PCDHA13: variants seen among roughly 807,000 people sequenced by gnomAD.
PCDHA13 encodes the protein protocadherin alpha-13.
PCDHA13 carries 54 observed loss-of-function variants against 64.8 expected under a neutral mutation model. That is an observed-to-expected ratio of 0.83 (90% confidence interval 0.67 to 1.04). The LOEUF is 1.04. PCDHA13 is among the 50% of genes least tolerant of loss of function. The pLI, the probability that PCDHA13 is intolerant of heterozygous loss-of-function variation, is 0.00. For missense variants in PCDHA13, 1,248 were observed against 1,254.3 expected (o/e 0.99, Z 0.08); for synonymous variants, 587 against 564.4 (o/e 1.04, Z -0.57).
chr5:140,889,679 C>A (rs968181758), intron 1 of PCDHA13, among the ~76,000 whole-genome samples: 4 of 152,026 alleles, frequency 2.6e-5, no homozygotes, highest in Admixed American at 6.6e-5. Flanking sequence ...TTATTTTAAA[C>A]CTTTTAGTAT....
At chr5:140,927,236 T>A in intron 1 of PCDHA13, 3 of 1,614,120 alleles carry the variant, frequency 1.9e-6, no homozygotes, top group Non-Finnish European at 2.5e-6. Context: ...ATTCACGTCC[T>A]GGACACCAAT....
intron 3 of PCDHA13, among the ~76,000 whole-genome samples, chr5:141,005,628 G>C: frequency 6.7e-6 from 1 of 148,974 alleles, no homozygotes; most frequent in Non-Finnish European, 1.5e-5. Context: ...CGTGAACCCG[G>C]GAGGCGGAGC....
chr5:140,985,084 T>A (rs2097135513), intron 3 of PCDHA13, among the ~76,000 whole-genome samples: 1 of 151,986 alleles, frequency 6.6e-6, no homozygotes. Context: ...ACTACAGGCG[T>A]GTGCCACCAA....
At chr5:140,975,120 C>CT (rs140169299) in intron 1 of PCDHA13, among the ~76,000 whole-genome samples, 5 of 152,258 alleles carry the variant, frequency 3.3e-5, no homozygotes, top group African/African-American at 1.2e-4. Flanking sequence ...TGTTTTCCTA[C>CT]TTACTATTGG....
At chr5:140,961,387 C>T (rs1249667395) in intron 1 of PCDHA13, among the ~76,000 whole-genome samples, 1 of 152,148 alleles carries the variant, frequency 6.6e-6, no homozygotes, top group Admixed American at 6.5e-5. Flanking sequence ...TTGAACTATT[C>T]CATTAGTAAA....
At chr5:140,898,751 A>G (rs2066956971) in intron 1 of PCDHA13, among the ~76,000 whole-genome samples, 1 of 152,050 alleles carries the variant, frequency 6.6e-6, no homozygotes, top group Admixed American at 6.6e-5. Context: ...CTTGATGGGG[A>G]TGGCATTGAA....
chr5:140,917,817 T>C (rs2078372214), intron 1 of PCDHA13, among the ~76,000 whole-genome samples: 1 of 152,162 alleles, frequency 6.6e-6, no homozygotes, highest in Non-Finnish European at 1.5e-5. Flanking sequence ...TAGTTGAAGT[T>C]GGGTAGTGTG....
chr5:140,974,578 C>A (rs1554236214), intron 1 of PCDHA13, among the ~76,000 whole-genome samples: 1 of 152,170 alleles, frequency 6.6e-6, no homozygotes, highest in Non-Finnish European at 1.5e-5. Flanking sequence ...ATGGCATGAT[C>A]TTGGCTCACT....
intron 1 of PCDHA13, among the ~76,000 whole-genome samples, chr5:140,888,767 T>G (rs927723567): frequency 6.6e-6 from 1 of 152,048 alleles, no homozygotes; most frequent in Non-Finnish European, 1.5e-5. Flanking sequence ...TTTTTTTTAA[T>G]TTTGAAGGGA....
chr5:140,937,588 G>T (rs1414065719), intron 1 of PCDHA13, among the ~76,000 whole-genome samples: 1 of 151,364 alleles, frequency 6.6e-6, no homozygotes, highest in African/African-American at 2.4e-5. Context: ...CTGCACTCTA[G>T]CCTGGGCAAC....
rs148596731 is a variant in PCDHA13 at position 141,000,361 on chromosome 5, GTCTCTCTCTCTC to G, written c.2543-9242_2543-9231del. Among the ~76,000 whole-genome samples, 60 of 26,440 alleles carry G rather than the reference GTCTCTCTCTCTC, an allele frequency of 2.3e-3. 1 individual carries two copies. Among genetic ancestry groups the G allele is most frequent in the Admixed American group, 5.8e-3 (10 of 1,730 alleles). The allele number at this position is 26,440 out of a possible 152,430, so 17.3% of individuals were successfully genotyped here. On this transcript the variant is annotated intron_variant, in intron 3 of 3. Transcript: ENST00000289272. ...CCTATCTCTCTCTCTGTCTCTCTCT[GTCTCTCTCTCTC>G]TCTCTCTCTCTCTCTCTCTCTCTAT...
At chr5:141,002,733 G>T (rs556024108) in intron 3 of PCDHA13, among the ~76,000 whole-genome samples, 1 of 152,314 alleles carries the variant, frequency 6.6e-6, no homozygotes, top group Admixed American at 6.5e-5. Context: ...CACAGTAAAT[G>T]TTAACTACAT....
At chr5:140,924,968 C>T (rs1376675912) in intron 1 of PCDHA13, among the ~76,000 whole-genome samples, 1 of 150,880 alleles carries the variant, frequency 6.6e-6, no homozygotes, top group Non-Finnish European at 1.5e-5. Context: ...AAGGTGAGTG[C>T]AGTGGCTCAT....
intron 1 of PCDHA13, among the ~76,000 whole-genome samples, chr5:140,964,891 G>A (rs76642459): frequency 0.016 from 2,494 of 152,302 alleles, 68 homozygotes; most frequent in African/African-American, 0.056. Context: ...AGTGATAGGA[G>A]GCTGGGCGCT....
At chr5:140,992,017 CTGTGTGTGTGTGTG>C (rs10602499) in intron 3 of PCDHA13, among the ~76,000 whole-genome samples, 7 of 145,626 alleles carry the variant, frequency 4.8e-5, no homozygotes, top group East Asian at 2.0e-4. Context: ...AGAGGTGGCT[CTGTGTGTGTGTGTG>C]TGTGTGTGTG....
chr5:140,965,216 A>G (rs2095880887), intron 1 of PCDHA13, among the ~76,000 whole-genome samples: 1 of 152,224 alleles, frequency 6.6e-6, no homozygotes, highest in Non-Finnish European at 1.5e-5. Context: ...TTCCTGTGGA[A>G]GAAATGTGAG....
At chr5:140,979,211 A>G (rs1241898337) in intron 2 of PCDHA13, among the ~76,000 whole-genome samples, 18 of 152,222 alleles carry the variant, frequency 1.2e-4, no homozygotes, top group Admixed American at 7.9e-4. Context: ...GTGCTGGCAT[A>G]TAAGAGTCCT....
At chr5:140,984,942 A>C (rs1263555467) in intron 3 of PCDHA13, among the ~76,000 whole-genome samples, 1 of 151,954 alleles carries the variant, frequency 6.6e-6, no homozygotes, top group Admixed American at 6.6e-5. Context: ...ATAAATGTCT[A>C]ATCTTTTTTT....
At position 140,982,568 on chromosome 5, in the gene PCDHA13, A is replaced by G. The variant is rs1158399397; in HGVS notation, c.2542+5A>G. 6.2e-7 allele frequency: 1 copy of G among 1,613,890 alleles called. No individual in the cohort carries two copies. The highest frequency in any genetic ancestry group is 8.5e-7 in the Non-Finnish European group (1 of 1,179,906). On this transcript the variant is annotated splice_donor_5th_base_variant and intron_variant, in intron 3 of 3. Coordinates refer to ENST00000289272, the MANE Select transcript of PCDHA13 (RefSeq NM_018904.3). ...CAGTATCCAGTGCAACACCAGGTAA[A>G]GAGCTGGGGTCTCTCCATTCTTTCT...
Sources: allele counts gnomAD v4.1 joint callset (sites outside exome capture counted in the v4.1 genomes callset), GRCh38; gene constraint gnomAD v4.1.1; transcripts MANE v1.5; gene names NCBI Gene and HGNC (gene_info 2026-07-23, HGNC 2026-07-21).